SH3GL3: variants seen among roughly 807,000 people sequenced by gnomAD.
The protein encoded by SH3GL3 is SH3 domain containing GRB2 like 3, endophilin A3, also known as endophilin-A3.
Under a neutral mutation model 47.7 loss-of-function variants are expected in SH3GL3, and 33 were observed. The observed-to-expected ratio is 0.69, with a 90% CI of 0.52 to 0.92. SH3GL3 has a LOEUF of 0.92. SH3GL3 is among the 40% of genes least tolerant of loss of function. SH3GL3 has a pLI of 0.00. For synonymous variants in SH3GL3, 155 were observed against 148.8 expected (o/e 1.04, Z -0.30); for missense variants, 363 against 417.8 (o/e 0.87, Z 1.14).
intron 1 of SH3GL3, among the ~76,000 whole-genome samples, chr15:83,466,349 A>G (rs1221291909): frequency 3.3e-5 from 5 of 152,126 alleles, no homozygotes; most frequent in Admixed American, 3.3e-4. Context: ...ATTTATGCAC[A>G]GATTTTCCTG....
intron 8 of SH3GL3, among the ~76,000 whole-genome samples, chr15:83,594,696 G>A (rs2060194689): frequency 6.6e-6 from 1 of 152,120 alleles, no homozygotes; most frequent in East Asian, 1.9e-4. Context: ...TTTGTAGAAT[G>A]TCCCCCAGTT....
downstream of SH3GL3, among the ~76,000 whole-genome samples, chr15:83,620,094 G>A (rs2060909105): frequency 6.6e-6 from 1 of 151,984 alleles, no homozygotes; most frequent in African/African-American, 2.4e-5. Flanking sequence ...GCTTTTTTAC[G>A]AGATTGCAGG....
At chr15:83,578,001 A>C (rs999590371) in intron 6 of SH3GL3, among the ~76,000 whole-genome samples, 3 of 152,172 alleles carry the variant, frequency 2.0e-5, no homozygotes, top group African/African-American at 4.8e-5. Flanking sequence ...GCATGACCCA[A>C]ATTTTTCAGC....
intron 8 of SH3GL3, among the ~76,000 whole-genome samples, chr15:83,617,034 T>C (rs534029126): frequency 1.3e-5 from 2 of 152,340 alleles, no homozygotes; most frequent in African/African-American, 2.4e-5. Context: ...AATATAATCA[T>C]GAAGACATCT....
chr15:83,460,764 A>C (rs1269933352), intron 1 of SH3GL3, among the ~76,000 whole-genome samples: 1 of 152,130 alleles, frequency 6.6e-6, no homozygotes, highest in Non-Finnish European at 1.5e-5. Flanking sequence ...TGATGCTGTA[A>C]ATCATGATTC....
chr15:83,566,513 G>A (rs1231858834), intron 3 of SH3GL3, among the ~76,000 whole-genome samples: 1 of 152,184 alleles, frequency 6.6e-6, no homozygotes, highest in Non-Finnish European at 1.5e-5. Context: ...AATGGCTTAT[G>A]CCTGTAATCC....
chr15:83,484,537 T>C (rs1231406019), intron 1 of SH3GL3, among the ~76,000 whole-genome samples: 1 of 152,208 alleles, frequency 6.6e-6, no homozygotes, highest in East Asian at 1.9e-4. Context: ...AAAATAGTTT[T>C]TTTTTTCACT....
At chr15:83,469,406 G>A (rs1340678001) in intron 1 of SH3GL3, among the ~76,000 whole-genome samples, 1 of 151,990 alleles carries the variant, frequency 6.6e-6, no homozygotes, top group Non-Finnish European at 1.5e-5. Context: ...GTTCTTGAGG[G>A]AAATGAGATT....
intron 5 of SH3GL3, among the ~76,000 whole-genome samples, chr15:83,576,246 T>C (rs967463632): frequency 1.3e-5 from 2 of 152,224 alleles, no homozygotes; most frequent in African/African-American, 4.8e-5. Context: ...TTAGAAATTA[T>C]CTGGACATTA....
intron 1 of SH3GL3, among the ~76,000 whole-genome samples, chr15:83,492,279 CAAAAA>C (rs11300008): frequency 1.2e-4 from 6 of 51,464 alleles, no homozygotes; most frequent in African/African-American, 8.6e-5. Flanking sequence ...GACTCCCTCT[CAAAAA>C]AAAAAAAAAA....
intron 8 of SH3GL3, among the ~76,000 whole-genome samples, chr15:83,592,817 A>T (rs1233900259): frequency 1.3e-5 from 2 of 152,198 alleles, no homozygotes; most frequent in Non-Finnish European, 2.9e-5. Flanking sequence ...TATTTATGCC[A>T]TAGATGTAGG....
At chr15:83,517,205 C>CTTTT (rs36096315) in intron 1 of SH3GL3, among the ~76,000 whole-genome samples, 28 of 109,558 alleles carry the variant, frequency 2.6e-4, no homozygotes, top group South Asian at 6.5e-4. Context: ...CTTTTCTTTT[C>CTTTT]TTTTTTTTTT....
At chr15:83,584,602 T>C (rs1013917545) in intron 6 of SH3GL3, among the ~76,000 whole-genome samples, 2 of 152,262 alleles carry the variant, frequency 1.3e-5, no homozygotes, top group South Asian at 4.1e-4. Context: ...TCAGCTTGCA[T>C]TATGAGTTTC....
chr15:83,463,456 G>A lies in SH3GL3; in HGVS notation c.45+15878G>A, dbSNP rs572420784. ...TGGGTGTATCTGTGGCTTTACTATA[G>A]CTGTGCTATGGTGAGATTACATTAT... On this transcript the variant is annotated intron_variant, in intron 1 of 8. Coordinates refer to ENST00000427482, the MANE Select transcript of SH3GL3 (RefSeq NM_003027.5). Among the ~76,000 whole-genome samples the A allele has an allele frequency of 2.0e-5, 3 of 152,212 alleles. No homozygotes were observed. The East Asian group carries it at 5.8e-4, about 29-fold the overall frequency.
intron 1 of SH3GL3, among the ~76,000 whole-genome samples, chr15:83,476,226 A>G (rs1009405482): frequency 6.6e-6 from 1 of 152,236 alleles, no homozygotes; most frequent in Non-Finnish European, 1.5e-5. Context: ...AAGTTTATAC[A>G]GTTGGAAAGT....
intron 6 of SH3GL3, among the ~76,000 whole-genome samples, chr15:83,584,649 A>G (rs2059913229): frequency 6.6e-6 from 1 of 152,192 alleles, no homozygotes; most frequent in African/African-American, 2.4e-5. Context: ...GCCCATCTGT[A>G]GGAGCTAGAG....
chr15:83,581,587 C>T (rs895408974), intron 6 of SH3GL3, among the ~76,000 whole-genome samples: 5 of 152,166 alleles, frequency 3.3e-5, no homozygotes, highest in Admixed American at 1.3e-4. Context: ...GAGCCAGGCC[C>T]CTACTGCCTT....
chr15:83,534,468 A>T (rs749163341), intron 1 of SH3GL3, among the ~76,000 whole-genome samples: 75 of 152,058 alleles, frequency 4.9e-4, no homozygotes, highest in Non-Finnish European at 7.2e-4. Flanking sequence ...CTTTGTGTCT[A>T]TGTATTTTTA....
At chr15:83,500,402 C>T (rs2042245463) in intron 1 of SH3GL3, among the ~76,000 whole-genome samples, 1 of 152,170 alleles carries the variant, frequency 6.6e-6, no homozygotes, top group African/African-American at 2.4e-5. Context: ...CTTCCCGGAC[C>T]ACACTTTTGC....
Sources: gnomAD v4.1 joint callset for allele counts (sites outside exome capture counted in the v4.1 genomes callset) on GRCh38, gnomAD v4.1.1 for gene constraint, MANE v1.5 for transcripts, NCBI Gene and HGNC (gene_info 2026-07-23, HGNC 2026-07-21) for gene names.